The following ACTN1 variants were observed in gnomAD, a reference collection of about 807,000 sequenced individuals.
The protein encoded by ACTN1 is alpha-actinin-1.
Under a neutral mutation model 119.6 loss-of-function variants are expected in ACTN1, and 30 were observed. That is an observed-to-expected ratio of 0.25 (90% CI 0.19 to 0.34). The LOEUF is 0.34. ACTN1 is among the 10% of genes least tolerant of loss of function. The pLI is 1.00. For missense variants in ACTN1, 764 were observed against 1,223.4 expected (o/e 0.62, Z 5.60); for synonymous variants, 429 against 472.6 (o/e 0.91, Z 1.20).
chr14:68,973,430 C>T (rs878980998), intron 1 of ACTN1, among the ~76,000 whole-genome samples: 3 of 151,868 alleles, frequency 2.0e-5, no homozygotes, highest in Admixed American at 2.0e-4. Context: ...TCCCCACCTT[C>T]GCTCTGCACT....
At chr14:68,929,360 C>A (rs2035102807) in intron 1 of ACTN1, among the ~76,000 whole-genome samples, 1 of 152,088 alleles carries the variant, frequency 6.6e-6, no homozygotes, top group Admixed American at 6.5e-5. Context: ...AGACCCACGG[C>A]CCCAAGACCT....
At chr14:68,958,399 C>T (rs1052629908) in intron 1 of ACTN1, among the ~76,000 whole-genome samples, 5 of 152,122 alleles carry the variant, frequency 3.3e-5, no homozygotes, top group African/African-American at 1.2e-4. Flanking sequence ...CAGGTGTGTG[C>T]ACCAGGCCAC....
At chr14:68,947,707 T>C (rs2035987873) in intron 1 of ACTN1, among the ~76,000 whole-genome samples, 1 of 152,186 alleles carries the variant, frequency 6.6e-6, no homozygotes, top group South Asian at 2.1e-4. Flanking sequence ...AGGGGCATCC[T>C]ACTGCATGGA....
chr14:68,887,226 C>G (rs2032093859), intron 11 of ACTN1: 3 of 287,234 alleles, frequency 1.0e-5, no homozygotes, highest in Non-Finnish European at 6.7e-6. Flanking sequence ...CTGAATAGCA[C>G]GTACACTACA....
intron 8 of ACTN1, among the ~76,000 whole-genome samples, chr14:68,896,510 C>T (rs2032893884): frequency 6.6e-6 from 1 of 152,194 alleles, no homozygotes; most frequent in Admixed American, 6.5e-5. Flanking sequence ...TAGCTTTTTC[C>T]TCTCACAGCT....
intron 8 of ACTN1, among the ~76,000 whole-genome samples, chr14:68,894,306 T>C (rs945089930): frequency 9.2e-5 from 14 of 152,184 alleles, no homozygotes; most frequent in Admixed American, 7.2e-4. Flanking sequence ...CTGACGGACA[T>C]TCTACTGCAC....
Position 68,880,656 on chromosome 14 carries a change from G to A in ACTN1, c.2133+154C>T, listed in dbSNP as rs1000966012. Among the ~76,000 whole-genome samples the A allele has an allele frequency of 4.6e-5, 7 of 152,314 alleles. No homozygotes were observed. Among genetic ancestry groups the A allele is most frequent in the East Asian group, 3.9e-4 (2 of 5,180 alleles). ...CATTCTCAACACATTCCTTGGGAAAGCAGAAGGTACTAAAAATTGAAGATG... is the reference window on the plus strand; with the variant it reads ...CATTCTCAACACATTCCTTGGGAAAACAGAAGGTACTAAAAATTGAAGATG... On this transcript the variant is annotated intron_variant, in intron 17 of 21. Transcript: ENST00000394419. This position sits in a 1 kb window ranked among gnomAD's most constrained non-coding sequence, Gnocchi z 4.6.
intron 2 of ACTN1, among the ~76,000 whole-genome samples, chr14:68,922,596 C>A (rs2140364885): frequency 6.6e-6 from 1 of 152,336 alleles, no homozygotes; most frequent in African/African-American, 2.4e-5. Context: ...CCCAGCCATT[C>A]AGCAGCTGTG....
intron 7 of ACTN1, among the ~76,000 whole-genome samples, 186 bp downstream of exon 7, chr14:68,904,469 C>G (rs1216430910): frequency 6.6e-6 from 1 of 152,236 alleles, no homozygotes; most frequent in African/African-American, 2.4e-5. Flanking sequence ...TAACACCTCT[C>G]TCTCCAAAGC....
chr14:68,875,364 G>GT (rs1337809735), intron 21 of ACTN1, among the ~76,000 whole-genome samples: 3 of 152,218 alleles, frequency 2.0e-5, no homozygotes, highest in African/African-American at 7.2e-5. Flanking sequence ...CTGGTGGAGC[G>GT]TATAGGTTCC....
In ACTN1 at chr14:68,879,735, A is replaced by G. The variant is rs997592791; in HGVS notation, c.2280+227T>C. ...GGGGTCAAAGGTCCTCTTTCTACCC[A>G]CAGTCTGAACACTCTCTCCCGGAAA... is the stretch of plus-strand genomic sequence containing the variant. On this transcript the variant is annotated intron_variant, in intron 18 of 21. Transcript: ENST00000394419. The surrounding 1 kb of genome is among the most constrained non-coding windows in gnomAD (Gnocchi z 4.9). 10 of 524,562 alleles carry G rather than the reference A, an allele frequency of 1.9e-5. No homozygotes were observed. The highest frequency in any genetic ancestry group is 1.7e-4 in the African/African-American group (9 of 52,254). 32.5% of individuals were successfully genotyped at this position (524,562 alleles called of 1,614,324 possible).
At chr14:68,959,752 A>T (rs1195471041) in intron 1 of ACTN1, among the ~76,000 whole-genome samples, 5 of 152,152 alleles carry the variant, frequency 3.3e-5, no homozygotes, top group Non-Finnish European at 5.9e-5. Flanking sequence ...AAAGGGTACA[A>T]ACCTTCCATC....
chr14:68,880,063 T>A lies in ACTN1; in HGVS notation c.2179A>T (p.Thr727Ser). ...ATCTGGTTCTCTACCTCATTGATGG[T>A]CCTGGCGATGGTGGTGAGCAGCTGC... ...WEQLLTTIARTINEVENQILT... is the reference protein window; with the variant it reads ...WEQLLTTIARSINEVENQILT... The change falls in exon 18 of 22, where the codon ACC becomes TCC. Residue 727 changes from threonine to serine, a missense_variant. Thr to Ser is a moderately conservative substitution (Grantham distance 58). Around this residue, in one of 4 missense-constraint regions of ACTN1, gnomAD observed 544 missense variants for 912.0 expected, o/e 0.60. Transcript: ENST00000394419. This position sits in a 1 kb window ranked among gnomAD's most constrained non-coding sequence, Gnocchi z 4.6. 1 of 1,614,164 alleles carries A rather than the reference T, an allele frequency of 6.2e-7. No homozygotes were observed. Among genetic ancestry groups the A allele is most frequent in the Non-Finnish European group, 8.5e-7 (1 of 1,179,998 alleles).
chr14:68,925,518 C>A lies in ACTN1; in HGVS notation c.220+40G>T, dbSNP rs528694919. 2.6e-6 allele frequency: 4 copies of A among 1,555,628 alleles called. No homozygotes were observed. The highest frequency in any genetic ancestry group is 2.7e-5 in the African/African-American group (2 of 73,712). ...CAGATGCCAAGGTGTCAGGCAGCAC[C>A]AATAGACAGTATCTCGTCCTGGGCC... On this transcript the variant is annotated intron_variant, in intron 2 of 21. Transcript: ENST00000394419. The surrounding 1 kb of genome is among the most constrained non-coding windows in gnomAD (Gnocchi z 4.3).
intron 1 of ACTN1, among the ~76,000 whole-genome samples, chr14:68,949,496 G>T (rs1339565158): frequency 6.6e-6 from 1 of 152,228 alleles, no homozygotes; most frequent in East Asian, 1.9e-4. Flanking sequence ...GGGGGAAGGG[G>T]TGGTATCCAA....
At position 68,885,535 on chromosome 14, in the gene ACTN1, G is replaced by A; in HGVS notation, c.1275C>T (p.Ala425=). 4.3e-6 allele frequency: 7 copies of A among 1,614,056 alleles called. No homozygotes were observed. The highest frequency in any genetic ancestry group is 5.9e-6 in the Non-Finnish European group (7 of 1,180,018). Residue 425 remains alanine (A), a synonymous_variant, in exon 12 of 22, where the codon GCC becomes GCT. Transcript: ENST00000394419. This position sits in a 1 kb window ranked among gnomAD's most constrained non-coding sequence, Gnocchi z 5.6. ...GCAGGGCCTTGATCTCCGAGAGGGT[G>A]GCGGTCTCATAGTCCTTCTGTCGCA... ...AMLRQKDYET[A]TLSEIKALLK... is the part of the protein sequence containing the mutation.
At chr14:68,960,029 C>T (rs2036475944) in intron 1 of ACTN1, among the ~76,000 whole-genome samples, 1 of 152,110 alleles carries the variant, frequency 6.6e-6, no homozygotes, top group Admixed American at 6.5e-5. Flanking sequence ...TTAAGAAAAT[C>T]ATAAGGAAGA....
rs1419763019 is a variant in ACTN1, at chr14:68,885,348, C to A, written c.1385+77G>T. The A allele has an allele frequency of 6.7e-6, 10 of 1,498,116 alleles. No individual in the cohort carries two copies. Among genetic ancestry groups the A allele is most frequent in the African/African-American group, 2.8e-5 (2 of 72,392 alleles). 92.8% of individuals were successfully genotyped at this position (1,498,116 alleles called of 1,614,324 possible). ...ACCCTCCCCATCTTCCACGGCCACA[C>A]CCCCACCTCCCCCAGCAGCTGAGAA... On this transcript the variant is annotated intron_variant, in intron 12 of 21. Coordinates refer to ENST00000394419, the MANE Select transcript of ACTN1 (RefSeq NM_001130004.2). This position sits in a 1 kb window ranked among gnomAD's most constrained non-coding sequence, Gnocchi z 5.6.
At chr14:68,971,381 C>T (rs1381015526) in intron 1 of ACTN1, among the ~76,000 whole-genome samples, 1 of 152,228 alleles carries the variant, frequency 6.6e-6, no homozygotes, top group East Asian at 1.9e-4. Flanking sequence ...AGGTAACACA[C>T]CTTTCCAGCC....
Sources: allele counts gnomAD v4.1 joint callset (sites outside exome capture counted in the v4.1 genomes callset), GRCh38; gene constraint gnomAD v4.1.1; regional missense constraint gnomAD v4.1.1; non-coding constraint Gnocchi (gnomAD v3.1); transcripts MANE v1.5; gene names NCBI Gene and HGNC (gene_info 2026-07-23, HGNC 2026-07-21).